The following RASAL2 variants were observed in gnomAD, a reference collection of about 807,000 sequenced individuals.
The protein encoded by RASAL2 is ras GTPase-activating protein nGAP.
A neutral mutation model predicts 128.9 loss-of-function variants in RASAL2; 58 were observed. The ratio of observed to expected loss-of-function variants is 0.45; its 90% CI spans 0.36 to 0.56. RASAL2 has a LOEUF of 0.56. Ranked by LOEUF, RASAL2 falls within the 20% of genes least tolerant of loss-of-function variation. The probability of loss-of-function intolerance (pLI) is 0.00; values close to 1 mark genes in which losing one functional copy is unlikely to be tolerated. For synonymous variants in RASAL2, 561 were observed against 580.8 expected, an observed-to-expected ratio of 0.97 and a Z score of 0.49; for missense variants, 1,360 against 1,601.6, an observed-to-expected ratio of 0.85 and a Z score of 2.57.
Position 178,372,435 on chromosome 1 carries a change from A to T in RASAL2, c.458-17665A>T, listed in dbSNP as rs999360314. The T allele has an allele frequency of 3.7e-6, 3 of 808,610 alleles. No homozygotes were observed. The East Asian group carries it at 3.8e-4, about 101-fold the overall frequency. 50.1% of individuals were successfully genotyped at this position (808,610 alleles called of 1,614,324 possible). A position where few individuals can be genotyped will look rare whatever the true frequency, so the allele number is the denominator to read the frequency against. On this transcript the variant is annotated intron_variant, in intron 3 of 17. Transcript: ENST00000367649. ...ACTTTTGTATTTTTAAAAGGAGAAG[A>T]GGAATTAAGGGAATATGTTTAAGTC...
At chr1:178,452,759 C>A in intron 11 of RASAL2, 107 bp downstream of exon 11, 1 of 874,186 alleles carries the variant, frequency 1.1e-6, no homozygotes, top group Non-Finnish European at 1.8e-6. Flanking sequence ...ACCAGATTTT[C>A]ACTGTGTTAT....
In RASAL2 at chr1:178,268,425, A is replaced by T. The variant is rs960584417; in HGVS notation, c.203-15139A>T. 2.6e-5 allele frequency among the ~76,000 whole-genome samples: 4 copies of T among 151,914 alleles called. No homozygotes were observed. The East Asian group carries it at 7.7e-4, about 29-fold the overall frequency. On this transcript the variant is annotated intron_variant, in intron 1 of 17. Coordinates refer to ENST00000367649, the MANE Select transcript of RASAL2 (RefSeq NM_170692.4). ...AGAGGTTGCAGTGAGCCGAGATTGCACCACTGCACTCCAGCCTGGCAACAG... is the reference window on the plus strand; with the variant it reads ...AGAGGTTGCAGTGAGCCGAGATTGCTCCACTGCACTCCAGCCTGGCAACAG...
intron 14 of RASAL2, among the ~76,000 whole-genome samples, chr1:178,462,138 A>G (rs1343772919): frequency 1.3e-5 from 2 of 152,170 alleles, no homozygotes; most frequent in African/African-American, 4.8e-5. Flanking sequence ...TGGAATCTGA[A>G]CCACTTACTA....
chr1:178,397,711 A>T (rs1399993425), intron 4 of RASAL2, among the ~76,000 whole-genome samples: 1 of 151,708 alleles, frequency 6.6e-6, no homozygotes, highest in Non-Finnish European at 1.5e-5. Context: ...CCAGGCTCAA[A>T]CGAACCTCCC....
chr1:178,226,776 A>T (rs1025872948), intron 1 of RASAL2, among the ~76,000 whole-genome samples: 1 of 152,072 alleles, frequency 6.6e-6, no homozygotes, highest in Admixed American at 6.5e-5. Context: ...GCCCGTCCCT[A>T]CAAAAATACA....
intron 1 of RASAL2, among the ~76,000 whole-genome samples, chr1:178,197,338 CCTAG>C (rs1662693015): frequency 6.6e-6 from 1 of 152,080 alleles, no homozygotes; most frequent in Non-Finnish European, 1.5e-5. Flanking sequence ...CGTCTGTAAT[CCTAG>C]CTACTCAGGA....
chr1:178,225,816 G>A (rs1273637401), intron 1 of RASAL2, among the ~76,000 whole-genome samples: 5 of 151,848 alleles, frequency 3.3e-5, no homozygotes, highest in Admixed American at 3.3e-4. Flanking sequence ...TCATAAGAAT[G>A]TAAGTGCAAA....
chr1:178,333,478 T>C (rs1232823722), intron 3 of RASAL2, among the ~76,000 whole-genome samples: 1 of 152,202 alleles, frequency 6.6e-6, no homozygotes, highest in Non-Finnish European at 1.5e-5. Context: ...TGTTCCATTA[T>C]TGGAACACTA....
intron 1 of RASAL2, among the ~76,000 whole-genome samples, chr1:178,116,642 C>T (rs951291238): frequency 6.6e-6 from 1 of 151,774 alleles, no homozygotes; most frequent in Non-Finnish European, 1.5e-5. Context: ...CGGAGTCTTG[C>T]TCTGTCGCCC....
At chr1:178,310,637 A>G (rs1668200294) in intron 3 of RASAL2, among the ~76,000 whole-genome samples, 1 of 152,136 alleles carries the variant, frequency 6.6e-6, no homozygotes, top group East Asian at 1.9e-4. Context: ...CGAGACCACA[A>G]TTCTGCTGTA....
At chr1:178,402,689 C>G (rs1673721455) in intron 4 of RASAL2, among the ~76,000 whole-genome samples, 1 of 152,050 alleles carries the variant, frequency 6.6e-6, no homozygotes, top group Non-Finnish European at 1.5e-5. Context: ...TCATGACCAT[C>G]CATAATGTGG....
intron 3 of RASAL2, among the ~76,000 whole-genome samples, chr1:178,333,536 G>C (rs895768939): frequency 6.6e-6 from 1 of 151,550 alleles, no homozygotes; most frequent in Admixed American, 6.6e-5. Context: ...CATCACCAAA[G>C]TCTGATTTTT....
chr1:178,203,887 C>A (rs1160972578), intron 1 of RASAL2, among the ~76,000 whole-genome samples: 2 of 152,286 alleles, frequency 1.3e-5, no homozygotes, highest in East Asian at 3.9e-4. Flanking sequence ...TGGGAAACTA[C>A]AACAGCCCAA....
chr1:178,353,622 C>T (rs11590951), intron 3 of RASAL2, among the ~76,000 whole-genome samples: 16,177 of 152,246 alleles, frequency 0.11, 915 homozygotes, highest in Middle Eastern at 0.14. Flanking sequence ...AATTCCAAAG[C>T]TTCTTACATA....
intron 5 of RASAL2, among the ~76,000 whole-genome samples, chr1:178,438,881 C>CTGTGTGTGTG (rs3042589): frequency 0.025 from 3,221 of 129,368 alleles, 78 homozygotes; most frequent in East Asian, 0.066. Flanking sequence ...AGCTTCGACT[C>CTGTGTGTGTG]TGTGTGTGTG....
At chr1:178,384,350 C>G (rs1672438765) in intron 3 of RASAL2, among the ~76,000 whole-genome samples, 1 of 152,066 alleles carries the variant, frequency 6.6e-6, no homozygotes, top group Non-Finnish European at 1.5e-5. Context: ...ATTTTATTTA[C>G]CTTTCCTGCT....
intron 14 of RASAL2, among the ~76,000 whole-genome samples, chr1:178,463,749 T>G (rs999210989): frequency 6.6e-6 from 1 of 152,184 alleles, no homozygotes; most frequent in African/African-American, 2.4e-5. Flanking sequence ...ACAATTACTT[T>G]TGCACCAACC....
At chr1:178,259,277 C>T (rs1665542037) in intron 1 of RASAL2, among the ~76,000 whole-genome samples, 1 of 150,990 alleles carries the variant, frequency 6.6e-6, no homozygotes, top group Non-Finnish European at 1.5e-5. Flanking sequence ...ACTACAGGCG[C>T]CCGCCACCAC....
chr1:178,295,654 A>T (rs1231381154), intron 2 of RASAL2, among the ~76,000 whole-genome samples: 1 of 152,052 alleles, frequency 6.6e-6, no homozygotes, highest in East Asian at 1.9e-4. Context: ...ACAGATTGCC[A>T]AGCTCTACCC....
Sources: gnomAD v4.1 joint callset for allele counts (sites outside exome capture counted in the v4.1 genomes callset) on GRCh38, gnomAD v4.1.1 for gene constraint, MANE v1.5 for transcripts, NCBI Gene and HGNC (gene_info 2026-07-23, HGNC 2026-07-21) for gene names.